Variants in DLC1 observed in about 807,000 individuals in gnomAD.
DLC1 encodes DLC1 Rho GTPase activating protein.
DLC1 carries 54 observed loss-of-function variants against 140.3 expected under a neutral mutation model. The observed-to-expected ratio is 0.38, with a 90% CI of 0.31 to 0.48. The LOEUF (loss-of-function observed/expected upper bound fraction) is 0.48. Among genes scored for constraint, DLC1 ranks in the 20% least tolerant of loss-of-function variants. DLC1 has a pLI of 0.96. For synonymous variants in DLC1, 986 were observed against 728.1 expected, an observed-to-expected ratio of 1.35 and a Z score of -5.70; for missense variants, 2,536 against 1,907.0, an observed-to-expected ratio of 1.33 and a Z score of -6.14.
chr8:13,567,358 C>T lies in DLC1; in HGVS notation c.-126+37179G>A, dbSNP rs750546085. ...ATCAGATGAAGAATTGAATGCCCTG[C>T]AGTCTTATTGCACCATGAAGATAAA... On this transcript the variant is annotated intron_variant, in intron 1 of 1. Coordinates refer to the DLC1 transcript ENST00000631382. The T allele has an allele frequency of 5.2e-6, 8 of 1,551,530 alleles. No individual in the cohort carries two copies. The African/African-American group carries it at 1.1e-4, about 21-fold the overall frequency.
intron 2 of DLC1, among the ~76,000 whole-genome samples, chr8:13,434,821 G>A (rs1421662303): frequency 6.6e-6 from 1 of 152,080 alleles, no homozygotes; most frequent in African/African-American, 2.4e-5. Context: ...TGGGACTACA[G>A]GCCCTGCTCC....
chr8:13,090,116 C>G (rs1296476822), intron 15 of DLC1, 136 bp downstream of exon 15: 4 of 759,436 alleles, frequency 5.3e-6, no homozygotes, highest in African/African-American at 3.5e-5. Flanking sequence ...TCTTACTCAC[C>G]CCGGTGCCCA....
intron 5 of DLC1, among the ~76,000 whole-genome samples, chr8:13,207,889 A>G (rs1413134530): frequency 6.6e-6 from 1 of 152,212 alleles, no homozygotes; most frequent in Non-Finnish European, 1.5e-5. Flanking sequence ...TATGATATAC[A>G]TAGTGTGTAC....
chr8:13,091,395 G>T lies in DLC1; in HGVS notation c.3778C>A (p.Gln1260Lys). The change falls in exon 14 of 18, where the codon CAG (glutamine) becomes AAG (lysine). Residue 1260 changes from glutamine (Q) to lysine (K), a missense_variant. Coordinates refer to ENST00000276297, the MANE Select transcript of DLC1 (RefSeq NM_182643.3). ...GCTAGGTTTTCATTCAAATCTTTCT[G>T]ATCTGGTTTGCCCAAACTTTGTTTT... ...QRKQSLGKPD[Q>K]KDLNENLAAT... is the part of the protein sequence containing the mutation. 1 of 1,614,052 alleles carries T rather than the reference G, an allele frequency of 6.2e-7. No homozygotes were observed. Among genetic ancestry groups the T allele is most frequent in the Non-Finnish European group, 8.5e-7 (1 of 1,180,016 alleles).
intron 5 of DLC1, among the ~76,000 whole-genome samples, chr8:13,165,528 C>T (rs1391271130): frequency 1.3e-5 from 2 of 152,184 alleles, no homozygotes; most frequent in East Asian, 3.8e-4. Context: ...CGCTCTGTTC[C>T]ATCTCTAACA....
chr8:13,178,825 T>C (rs149994811), intron 5 of DLC1, among the ~76,000 whole-genome samples: 53 of 152,266 alleles, frequency 3.5e-4, no homozygotes, highest in African/African-American at 1.1e-3. Flanking sequence ...GAAACTCTTA[T>C]AAACTTCTAG....
Position 13,099,592 on chromosome 8 carries a change from C to G in DLC1, c.2745G>C (p.Gly915=), listed in dbSNP as rs373697154. 6 of 1,614,236 alleles carry G rather than the reference C, an allele frequency of 3.7e-6. No individual in the cohort carries two copies. In the African/African-American group the frequency reaches 5.3e-5, roughly 14 times the overall value. ...ELDDILYHVK[G]MQRIVNQWSE... is the part of the protein sequence containing the mutation. ...ACCACTGATTGACTATCCGCTGCAT[C>G]CCCTTCACGTGGTAGAGGATGTCGT... The change falls in exon 9 of 18, where the codon GGG becomes GGC. Residue 915 remains glycine, a synonymous_variant. Transcript: ENST00000276297.
intron 5 of DLC1, among the ~76,000 whole-genome samples, chr8:13,244,363 T>C (rs1829670586): frequency 6.6e-6 from 1 of 151,416 alleles, no homozygotes; most frequent in African/African-American, 2.4e-5. Flanking sequence ...AGTGGTGCGA[T>C]CATAGTTCAC....
intron 2 of DLC1, among the ~76,000 whole-genome samples, chr8:13,457,243 ACTGT>A (rs1480615033): frequency 6.6e-6 from 1 of 152,132 alleles, no homozygotes; most frequent in Admixed American, 6.6e-5. Flanking sequence ...TTTAAAAGCC[ACTGT>A]CTATTTTGTT....
intron 4 of DLC1, among the ~76,000 whole-genome samples, chr8:13,323,549 A>G (rs1237752604): frequency 6.6e-6 from 1 of 152,128 alleles, no homozygotes; most frequent in Non-Finnish European, 1.5e-5. Flanking sequence ...ATCCTTTATT[A>G]ATTTATATTT....
At chr8:13,451,955 C>T (rs909878659) in intron 2 of DLC1, among the ~76,000 whole-genome samples, 2 of 152,056 alleles carry the variant, frequency 1.3e-5, no homozygotes, top group African/African-American at 4.8e-5. Flanking sequence ...AACTGTTCTC[C>T]ATAGTGGTTG....
chr8:13,578,452 A>C lies in DLC1; in HGVS notation c.-126+26085T>G, dbSNP rs373749722. ...ATACAAACTGGGTGTCCTAGAATTCATTCAGTTCTGACATATCTACCTGGA... is the reference window on the plus strand; with the variant it reads ...ATACAAACTGGGTGTCCTAGAATTCCTTCAGTTCTGACATATCTACCTGGA... On this transcript the variant is annotated intron_variant, in intron 1 of 1. Transcript: ENST00000631382. Among the ~76,000 whole-genome samples, 229 of 152,280 alleles carry C rather than the reference A, an allele frequency of 1.5e-3. 2 individuals carry two copies. Among genetic ancestry groups the C allele is most frequent in the African/African-American group, 5.2e-3 (218 of 41,564 alleles).
intron 5 of DLC1, among the ~76,000 whole-genome samples, chr8:13,294,180 A>G (rs1831863480): frequency 6.6e-6 from 1 of 152,186 alleles, no homozygotes; most frequent in African/African-American, 2.4e-5. Flanking sequence ...CTTCATCAGA[A>G]TATCATACAG....
chr8:13,322,452 T>A (rs1833162145), intron 4 of DLC1, among the ~76,000 whole-genome samples: 1 of 150,906 alleles, frequency 6.6e-6, no homozygotes, highest in Non-Finnish European at 1.5e-5. Context: ...TTACATTGAA[T>A]TTTACTTATA....
rs547296948 is a variant in DLC1 at position 13,137,817 on chromosome 8, C to A, written c.1349-22160G>T. Among the ~76,000 whole-genome samples the A allele has an allele frequency of 2.0e-5, 3 of 151,880 alleles. No homozygotes were observed. In the South Asian group the frequency reaches 6.3e-4, roughly 32 times the overall value. ...TTCACCACATTGGCCAGACTGGTCT[C>A]GAACTCCTGATCTCAGCTGATCTGC... On this transcript the variant is annotated intron_variant, in intron 5 of 17. Coordinates refer to ENST00000276297, the MANE Select transcript of DLC1 (RefSeq NM_182643.3).
chr8:13,118,103 G>A (rs549871668), intron 5 of DLC1, among the ~76,000 whole-genome samples: 6 of 147,990 alleles, frequency 4.1e-5, no homozygotes, highest in South Asian at 2.1e-4. Context: ...TCGACCTTCC[G>A]GGCTCAAATG....
Position 13,133,257 on chromosome 8 carries a change from G to T in DLC1, c.1349-17600C>A. On this transcript the variant is annotated intron_variant, in intron 5 of 17. Coordinates refer to ENST00000276297, the MANE Select transcript of DLC1 (RefSeq NM_182643.3). ...GTGCGGCCATGTCCTGGCTGGGAGC[G>T]AAGCGCCCTCGCTCGGGCAGTCGGA... 5.9e-6 allele frequency: 8 copies of T among 1,355,214 alleles called. No individual in the cohort carries two copies. In the South Asian group the frequency reaches 6.7e-5, roughly 11 times the overall value. 83.9% of individuals were successfully genotyped at this position (1,355,214 alleles called of 1,614,324 possible).
At chr8:13,589,958 T>C (rs1170725839) in intron 1 of DLC1, among the ~76,000 whole-genome samples, 1 of 151,872 alleles carries the variant, frequency 6.6e-6, no homozygotes, top group Non-Finnish European at 1.5e-5. Context: ...AGTATTATTG[T>C]TCTTCTTAGT....
chr8:13,225,543 T>G (rs1337902038), intron 5 of DLC1, among the ~76,000 whole-genome samples: 3 of 152,152 alleles, frequency 2.0e-5, no homozygotes, highest in South Asian at 2.1e-4. Flanking sequence ...AGCAGAGATA[T>G]GCTTTTCTTA....
Sources: allele counts gnomAD v4.1 joint callset (sites outside exome capture counted in the v4.1 genomes callset), GRCh38; gene constraint gnomAD v4.1.1; transcripts MANE v1.5; gene names NCBI Gene and HGNC (gene_info 2026-07-23, HGNC 2026-07-21).